The following PARD3 variants were observed in gnomAD, a reference collection of about 807,000 sequenced individuals.
The protein encoded by PARD3 is partitioning defective 3 homolog.
PARD3 carries 75 observed loss-of-function variants against 155.4 expected under a neutral mutation model. The ratio of observed to expected loss-of-function variants is 0.48; its 90% confidence interval spans 0.40 to 0.58. The LOEUF (loss-of-function observed/expected upper bound fraction) is 0.58, where lower values mean the gene tolerates loss of function less well. Ranked by LOEUF, PARD3 falls within the 20% of genes least tolerant of loss-of-function variation. The probability of loss-of-function intolerance (pLI) is 0.00; values close to 1 mark genes in which losing one functional copy is unlikely to be tolerated. For synonymous variants in PARD3, 576 were observed against 610.5 expected, an observed-to-expected ratio of 0.94 and a Z score of 0.83; for missense variants, 1,642 against 1,721.7, an observed-to-expected ratio of 0.95 and a Z score of 0.82.
chr10:34,576,716 C>G (rs946092978), intron 2 of PARD3, among the ~76,000 whole-genome samples: 2 of 152,080 alleles, frequency 1.3e-5, no homozygotes, highest in African/African-American at 4.8e-5. Context: ...GTCTCCAACC[C>G]AAAGATAATC....
At chr10:34,405,883 AG>A (rs1174850809) in intron 5 of PARD3, among the ~76,000 whole-genome samples, 1 of 152,202 alleles carries the variant, frequency 6.6e-6, no homozygotes, top group African/African-American at 2.4e-5. Context: ...TTAGACAGAC[AG>A]GGAGTATCTT....
At chr10:34,747,289 A>T (rs1189097037) in intron 1 of PARD3, among the ~76,000 whole-genome samples, 1 of 152,182 alleles carries the variant, frequency 6.6e-6, no homozygotes, top group Non-Finnish European at 1.5e-5. Flanking sequence ...GGGGCTGCAG[A>T]CAGCCACTCT....
intron 1 of PARD3, among the ~76,000 whole-genome samples, chr10:34,775,628 T>C (rs946799350): frequency 3.3e-5 from 5 of 151,840 alleles, no homozygotes; most frequent in East Asian, 1.9e-4. Context: ...ACAAGAGATA[T>C]ATGCGTGAGA....
At chr10:34,629,453 G>GCA (rs138413704) in intron 2 of PARD3, among the ~76,000 whole-genome samples, 17 of 152,004 alleles carry the variant, frequency 1.1e-4, no homozygotes, top group South Asian at 6.2e-4. Context: ...GTGTGCATGT[G>GCA]CACACACACA....
intron 5 of PARD3, among the ~76,000 whole-genome samples, chr10:34,414,509 T>A (rs1445452400): frequency 6.6e-6 from 1 of 151,958 alleles, no homozygotes; most frequent in South Asian, 2.1e-4. Context: ...AAAAGCTGAA[T>A]CTACTGACCA....
At position 34,215,792 on chromosome 10, in the gene PARD3, A is replaced by G. The variant is rs549452170; in HGVS notation, c.3419+53865T>C. 9.8e-5 allele frequency among the ~76,000 whole-genome samples: 15 copies of G among 152,352 alleles called. 1 individual carries two copies. In the South Asian group the frequency reaches 3.1e-3, roughly 32 times the overall value. ...GCAGTTAAATGAGTGCTTAGCAAAGAAGTGTGTGTGTCACACGCTGGCACA... is the reference window on the plus strand; with the variant it reads ...GCAGTTAAATGAGTGCTTAGCAAAGGAGTGTGTGTGTCACACGCTGGCACA... On this transcript the variant is annotated intron_variant, in intron 22 of 24. Transcript: ENST00000374788.
At chr10:34,572,406 A>G (rs1213448238) in intron 2 of PARD3, among the ~76,000 whole-genome samples, 1 of 152,160 alleles carries the variant, frequency 6.6e-6, no homozygotes, top group African/African-American at 2.4e-5. Flanking sequence ...TGGGAGGCCG[A>G]GGCAAGCGGA....
chr10:34,636,629 G>A (rs760643759), intron 2 of PARD3, among the ~76,000 whole-genome samples: 2 of 152,178 alleles, frequency 1.3e-5, no homozygotes, highest in Admixed American at 6.5e-5. Flanking sequence ...GCTAGTTCCC[G>A]TCAAGCCTAA....
intron 1 of PARD3, among the ~76,000 whole-genome samples, chr10:34,773,097 T>C (rs1191685109): frequency 6.6e-6 from 1 of 152,212 alleles, no homozygotes; most frequent in East Asian, 1.9e-4. Flanking sequence ...CATCTCATTT[T>C]CATCCTACCA....
chr10:34,626,988 ATT>A (rs1358842216), intron 2 of PARD3, among the ~76,000 whole-genome samples: 1 of 151,162 alleles, frequency 6.6e-6, no homozygotes, highest in Non-Finnish European at 1.5e-5. Flanking sequence ...AAAGCCAAAT[ATT>A]CTTTTGAATT....
At chr10:34,584,478 T>C (rs1164176363) in intron 2 of PARD3, among the ~76,000 whole-genome samples, 3 of 152,198 alleles carry the variant, frequency 2.0e-5, no homozygotes, top group Admixed American at 2.0e-4. Flanking sequence ...TTTAGTAAAG[T>C]GCATTCAGAT....
intron 2 of PARD3, among the ~76,000 whole-genome samples, chr10:34,563,751 G>A (rs1042975483): frequency 2.6e-5 from 4 of 151,974 alleles, no homozygotes; most frequent in Admixed American, 6.6e-5. Flanking sequence ...GGATGGTCTC[G>A]ATCTCTTGAC....
chr10:34,721,681 T>TC (rs1564545700), intron 1 of PARD3, among the ~76,000 whole-genome samples: 3 of 152,084 alleles, frequency 2.0e-5, no homozygotes, highest in African/African-American at 7.2e-5. Flanking sequence ...AGACATAAGA[T>TC]TCCCAGCTCT....
At position 34,342,863 on chromosome 10, in the gene PARD3, C is replaced by T. The variant is rs181957424; in HGVS notation, c.2219-1047G>A. On this transcript the variant is annotated intron_variant, in intron 15 of 24. Transcript: ENST00000374788. ...AGTAATACTGTAAGTTCACTGAAAC[C>T]CCTTCTCAGCACGTTACCAAGAAAA... Among the ~76,000 whole-genome samples, 574 of 152,216 alleles carry T rather than the reference C, an allele frequency of 3.8e-3. 1 individual carries two copies. The highest frequency in any genetic ancestry group is 6.6e-3 in the Non-Finnish European group (451 of 68,006).
rs1958625878 is a variant in PARD3, at chr10:34,325,331, C to T, written c.2833+5786G>A. On this transcript the variant is annotated intron_variant, in intron 19 of 24. Coordinates refer to ENST00000374788, the MANE Select transcript of PARD3 (RefSeq NM_001184785.2). ...TCACTCCTCACTATGCTCTCACCTG[C>T]CCCATACACACCAACCTAACAGAAC... Among the ~76,000 whole-genome samples, 3 of 152,076 alleles carry T rather than the reference C, an allele frequency of 2.0e-5. No homozygotes were observed. In the South Asian group the frequency reaches 6.2e-4, roughly 32 times the overall value.
chr10:34,496,741 A>AT (rs1174466137), intron 3 of PARD3, among the ~76,000 whole-genome samples: 24 of 152,334 alleles, frequency 1.6e-4, no homozygotes, highest in Non-Finnish European at 2.8e-4. Flanking sequence ...CCGAAGAGAT[A>AT]TATCAATCAA....
At chr10:34,350,100 T>C (rs1322855188) in intron 14 of PARD3, among the ~76,000 whole-genome samples, 2 of 152,238 alleles carry the variant, frequency 1.3e-5, no homozygotes, top group Non-Finnish European at 2.9e-5. Context: ...TACATAAATA[T>C]TTAACAGAAG....
At chr10:34,765,625 C>G (rs1163940652) in intron 1 of PARD3, among the ~76,000 whole-genome samples, 1 of 151,312 alleles carries the variant, frequency 6.6e-6, no homozygotes, top group East Asian at 1.9e-4. Flanking sequence ...TTGCAGTAAG[C>G]TGAGATCACA....
At chr10:34,473,564 T>C (rs892673292) in intron 3 of PARD3, among the ~76,000 whole-genome samples, 4 of 152,044 alleles carry the variant, frequency 2.6e-5, no homozygotes, top group African/African-American at 9.7e-5. Flanking sequence ...GTGGTAGCAC[T>C]TTCCTGTAGT....
Sources: allele counts gnomAD v4.1 joint callset (sites outside exome capture counted in the v4.1 genomes callset), GRCh38; gene constraint gnomAD v4.1.1; transcripts MANE v1.5; gene names NCBI Gene and HGNC (gene_info 2026-07-23, HGNC 2026-07-21).